The following RBM26 variants were observed in gnomAD, a reference collection of about 807,000 sequenced individuals.
RBM26 encodes the protein RNA-binding protein 26.
RBM26 carries 30 observed loss-of-function variants against 123.6 expected under a neutral mutation model. That is an observed-to-expected ratio of 0.24 (90% CI 0.18 to 0.33). RBM26 has a LOEUF of 0.33. Ranked by LOEUF, RBM26 falls within the 10% of genes least tolerant of loss-of-function variation. The pLI is 1.00. For missense variants in RBM26, 947 were observed against 1,203.6 expected (o/e 0.79, Z 3.15); for synonymous variants, 400 against 404.4 (o/e 0.99, Z 0.13).
chr13:79,371,061 C>T lies in RBM26; in HGVS notation c.518G>A (p.Arg173Gln), dbSNP rs750631067. ...CCTGCTATAACTGCGACTCCGCCCTCGTCTTCTATTGTACCGGTCTCTGTA... is the reference window on the plus strand; with the variant it reads ...CCTGCTATAACTGCGACTCCGCCCTTGTCTTCTATTGTACCGGTCTCTGTA... ...DSYRDRYNRRRGRSRSYSRSR... is the reference protein window; with the variant it reads ...DSYRDRYNRRQGRSRSYSRSR... The change falls in exon 5 of 22, where the codon CGA (arginine) becomes CAA (glutamine). Residue 173 changes from arginine (R) to glutamine (Q), a missense_variant. Physicochemically the swap from Arg to Gln is conservative, Grantham distance 43. Coordinates refer to ENST00000438737, the MANE Select transcript of RBM26 (RefSeq NM_001366735.2). 1.2e-6 allele frequency: 2 copies of T among 1,613,976 alleles called. No homozygotes were observed. Among genetic ancestry groups the T allele is most frequent in the South Asian group, 1.1e-5 (1 of 91,076 alleles).
In RBM26 at chr13:79,377,383, T is replaced by G. The variant is rs763739198; in HGVS notation, c.323A>C (p.Glu108Ala). ...FPHQEKDIKK[E>A]EITKEEEREK... ...GGTATTAACACAAATCGTTACCTCTTCCTTCTTTATATCTTTTTCTTGGTG... is the reference window on the plus strand; with the variant it reads ...GGTATTAACACAAATCGTTACCTCTGCCTTCTTTATATCTTTTTCTTGGTG... Residue 108 changes from glutamate to alanine, a missense_variant, in exon 3 of 22, where the codon GAA becomes GCA. Transcript: ENST00000438737. 6.2e-7 allele frequency: 1 copy of G among 1,613,378 alleles called. No homozygotes were observed. Among genetic ancestry groups the G allele is most frequent in the Non-Finnish European group, 8.5e-7 (1 of 1,179,380 alleles).
At position 79,334,423 on chromosome 13, in the gene RBM26, C is replaced by G; in HGVS notation, c.2741G>C (p.Gly914Ala). 1 of 1,535,768 alleles carries G rather than the reference C, an allele frequency of 6.5e-7. No homozygotes were observed. The highest frequency in any genetic ancestry group is 8.8e-7 in the Non-Finnish European group (1 of 1,131,550). ...EDLLPHFAQY[G>A]EIEDCQIDDS... ...ATCAATCTGACAATCTTCAATTTCA[C>G]CATATTGCTTTAAATTAAAAAAAAA... Residue 914 changes from glycine (G) to alanine (A), a missense_variant, in exon 20 of 22, where the codon GGT (glycine) becomes GCT (alanine). Physicochemically the swap from Gly to Ala is moderately conservative, Grantham distance 60. Around this residue, in one of 5 missense-constraint regions of RBM26, gnomAD observed 164 missense variants for 215.3 expected, o/e 0.76. Transcript: ENST00000438737.
At chr13:79,390,042 C>T (rs2077812440) in intron 1 of RBM26, among the ~76,000 whole-genome samples, 2 of 151,944 alleles carry the variant, frequency 1.3e-5, no homozygotes, top group Non-Finnish European at 2.9e-5. Flanking sequence ...ATAGGTGGCA[C>T]ATGCATATTT....
intron 1 of RBM26, among the ~76,000 whole-genome samples, chr13:79,395,778 A>G (rs2078507364): frequency 6.6e-6 from 1 of 152,094 alleles, no homozygotes; most frequent in African/African-American, 2.4e-5. Flanking sequence ...ATGGAAAATA[A>G]AAAGTATCCA....
intron 18 of RBM26, among the ~76,000 whole-genome samples, chr13:79,339,803 T>C (rs938932845): frequency 5.9e-5 from 9 of 152,140 alleles, no homozygotes; most frequent in African/African-American, 2.2e-4. Flanking sequence ...GGTTGTATTA[T>C]TTAGCCTAAG....
At chr13:79,386,590 T>TCAAAAAAA (rs1566561287) in intron 1 of RBM26, among the ~76,000 whole-genome samples, 20 of 22,112 alleles carry the variant, frequency 9.0e-4, no homozygotes, top group African/African-American at 1.6e-3. Flanking sequence ...AACTCTCTCT[T>TCAAAAAAA]TAAAAAAAAA....
rs1262883626 is a variant in RBM26 at position 79,377,865 on chromosome 13, G to A, written c.191-350C>T. Among the ~76,000 whole-genome samples, 7 of 152,022 alleles carry A rather than the reference G, an allele frequency of 4.6e-5. No homozygotes were observed. In the East Asian group the frequency reaches 5.8e-4, roughly 13 times the overall value. ...AGAGACTGCAGTGAGCCGAGATCGC[G>A]CCACTGCACTCAAGATCACGCCATT... On this transcript the variant is annotated intron_variant, in intron 2 of 21. Transcript: ENST00000438737.
At chr13:79,330,119 C>T in intron 20 of RBM26, among the ~76,000 whole-genome samples, 1 of 152,128 alleles carries the variant, frequency 6.6e-6, no homozygotes, top group East Asian at 1.9e-4. Flanking sequence ...TTTTATAATT[C>T]TAATTTCTAT....
chr13:79,358,977 AC>A (rs1485710746), intron 10 of RBM26, among the ~76,000 whole-genome samples: 10 of 152,222 alleles, frequency 6.6e-5, no homozygotes, highest in African/African-American at 2.4e-4. Context: ...GCATTAAATC[AC>A]AGAATTAATC....
chr13:79,335,682 C>A (rs961145213), intron 19 of RBM26, among the ~76,000 whole-genome samples: 1 of 152,082 alleles, frequency 6.6e-6, no homozygotes, highest in African/African-American at 2.4e-5. Context: ...TGTCCAAATG[C>A]ATGTCAGAAT....
chr13:79,337,007 T>C, intron 19 of RBM26, 95 bp downstream of exon 19: 1 of 1,168,454 alleles, frequency 8.6e-7, no homozygotes, highest in Non-Finnish European at 1.2e-6. Context: ...CGAGTTGAAA[T>C]TACTTATGTC....
At position 79,377,400 on chromosome 13, in the gene RBM26, T is replaced by C. The variant is rs950381871; in HGVS notation, c.306A>G (p.Glu102=). 1.2e-6 allele frequency: 2 copies of C among 1,613,746 alleles called. No individual in the cohort carries two copies. Among genetic ancestry groups the C allele is most frequent in the African/African-American group, 2.7e-5 (2 of 74,916 alleles). ...TTACCTCTTCCTTCTTTATATCTTT[T>C]TCTTGGTGTGGAAAAAATTCTACCT... The part of the protein sequence containing the change: ...SLKVEFFPHQ[E]KDIKKEEITK... The change falls in exon 3 of 22, where the codon GAA becomes GAG. Residue 102 remains glutamate (E), a synonymous_variant. Coordinates refer to ENST00000438737, the MANE Select transcript of RBM26 (RefSeq NM_001366735.2).
intron 5 of RBM26, 113 bp from the exon 6 acceptor site, chr13:79,369,103 G>T: frequency 3.4e-6 from 2 of 591,310 alleles, no homozygotes; most frequent in Non-Finnish European, 2.6e-6. Context: ...TTTAAATTTT[G>T]CATAATAATC....
chr13:79,323,471 A>C (rs968662626), intron 20 of RBM26, among the ~76,000 whole-genome samples: 1 of 151,544 alleles, frequency 6.6e-6, no homozygotes, highest in South Asian at 2.1e-4. Context: ...TACAACTAGA[A>C]TTTTTTTAAA....
chr13:79,324,805 T>C (rs2068130343), intron 20 of RBM26, among the ~76,000 whole-genome samples: 3 of 151,980 alleles, frequency 2.0e-5, no homozygotes, highest in Admixed American at 2.0e-4. Flanking sequence ...ATTCATCCAA[T>C]TTAATTTATT....
At chr13:79,373,849 A>G (rs546212427) in intron 3 of RBM26, among the ~76,000 whole-genome samples, 2 of 149,102 alleles carry the variant, frequency 1.3e-5, no homozygotes, top group South Asian at 4.2e-4. Flanking sequence ...GCCTCCATTC[A>G]CATTATATAG....
intron 5 of RBM26, among the ~76,000 whole-genome samples, chr13:79,370,601 G>A (rs145657749): frequency 2.0e-5 from 3 of 152,306 alleles, no homozygotes; most frequent in South Asian, 4.1e-4. Flanking sequence ...CAGGTAAACA[G>A]TAAGAAGTAG....
intron 3 of RBM26, among the ~76,000 whole-genome samples, chr13:79,373,430 A>T (rs375917543): frequency 0.17 from 357 of 2,058 alleles, 21 homozygotes; most frequent in African/African-American, 0.29. Flanking sequence ...ATAAAATATA[A>T]ATATATATTA....
At chr13:79,355,419 A>G in intron 11 of RBM26, 35 bp from the exon 12 acceptor site, 1 of 1,565,972 alleles carries the variant, frequency 6.4e-7, no homozygotes, top group South Asian at 1.1e-5. Context: ...GTGAATTTCC[A>G]AAGGAATCTG....
Sources: gnomAD v4.1 joint callset for allele counts (sites outside exome capture counted in the v4.1 genomes callset) on GRCh38, gnomAD v4.1.1 for gene constraint, gnomAD v4.1.1 regional missense constraint, MANE v1.5 for transcripts, NCBI Gene and HGNC (gene_info 2026-07-23, HGNC 2026-07-21) for gene names.